KIF15: variants seen among roughly 807,000 people sequenced by gnomAD.
KIF15 encodes kinesin family member 15.
KIF15 carries 140 observed loss-of-function variants against 190.6 expected under a neutral mutation model. The ratio of observed to expected loss-of-function variants is 0.73; its 90% CI spans 0.64 to 0.84. The LOEUF (loss-of-function observed/expected upper bound fraction) is 0.84, where lower values mean the gene tolerates loss of function less well. KIF15 is among the 40% of genes least tolerant of loss of function. KIF15 has a pLI of 0.00. For synonymous variants in KIF15, 528 were observed against 551.3 expected (o/e 0.96, Z 0.59); for missense variants, 1,372 against 1,584.4 (o/e 0.87, Z 2.28).
chr3:44,827,321 T>TC (rs569276105), intron 22 of KIF15, 138 bp from the exon 23 acceptor site: 2 of 606,090 alleles, frequency 3.3e-6, no homozygotes, highest in Admixed American at 3.0e-5. Context: ...AAATTTCTGA[T>TC]CCCCCCGGAA....
intron 4 of KIF15, among the ~76,000 whole-genome samples, chr3:44,779,652 G>A (rs1706073563): frequency 1.3e-5 from 2 of 151,970 alleles, no homozygotes; most frequent in Non-Finnish European, 2.9e-5. Flanking sequence ...GGCCAAGATG[G>A]TGAAACCCCA....
At chr3:44,856,958 A>T (rs537279168), downstream of KIF15, among the ~76,000 whole-genome samples, 1 of 152,284 alleles carries the variant, frequency 6.6e-6, no homozygotes, top group African/African-American at 2.4e-5. Context: ...GTAGTGGAGG[A>T]GGGCAGAGCG....
chr3:44,824,183 T>C (rs533933834), intron 20 of KIF15, among the ~76,000 whole-genome samples: 1 of 152,348 alleles, frequency 6.6e-6, no homozygotes, highest in Admixed American at 6.5e-5. Context: ...GCCCAGTGGC[T>C]AAAGAAAAAT....
At chr3:44,802,684 A>G (rs548577532) in intron 13 of KIF15, 130 bp from the exon 14 acceptor site, 4 of 814,024 alleles carry the variant, frequency 4.9e-6, no homozygotes, top group Admixed American at 3.0e-5. Flanking sequence ...GTTGCTTTCC[A>G]TGGTGGTTGC....
chr3:44,862,047 C>T, intron 6 of KIF15: 2 of 1,358,920 alleles, frequency 1.5e-6, no homozygotes, highest in South Asian at 3.8e-5. Flanking sequence ...GGGGCGTATT[C>T]AACTGTCTGT....
chr3:44,865,752 G>A (rs1699314821), intron 6 of KIF15: 1 of 158,364 alleles, frequency 6.3e-6, no homozygotes, highest in Non-Finnish European at 1.4e-5. Context: ...GAGGAGGCAG[G>A]AGAGTGAGGC....
chr3:44,827,838 A>G (rs1697756915), intron 23 of KIF15, among the ~76,000 whole-genome samples: 1 of 151,996 alleles, frequency 6.6e-6, no homozygotes, highest in Non-Finnish European at 1.5e-5. Flanking sequence ...ATGCACCACT[A>G]TGCCTGGCTA....
chr3:44,784,794 A>AG (rs753409321), intron 5 of KIF15, 51 bp from the exon 6 acceptor site: 3 of 962,732 alleles, frequency 3.1e-6, no homozygotes, highest in Non-Finnish European at 3.2e-6. Context: ...CCATTTTGAA[A>AG]GACTCTTGGA....
rs1699069465 is a variant in KIF15, at chr3:44,851,842, A to T, written c.3862A>T (p.Thr1288Ser). 1.2e-6 allele frequency: 2 copies of T among 1,613,974 alleles called. No individual in the cohort carries two copies. The highest frequency in any genetic ancestry group is 2.2e-5 in the South Asian group (2 of 91,086). The change falls in exon 33 of 35, where the codon ACT (threonine) becomes TCT (serine). Residue 1288 changes from threonine to serine, a missense_variant. Transcript: ENST00000326047. The part of the protein sequence containing the change: ...YNKEMECLRM[T>S]DEVERTQTLE... ...CAAAGAGATGGAATGCCTTAGAATG[A>T]CTGATGAAGTCGAACGAACCCAAAC... is the stretch of plus-strand genomic sequence containing the variant.
At chr3:44,837,616 A>G (rs181000449) in intron 26 of KIF15, among the ~76,000 whole-genome samples, 34 of 150,250 alleles carry the variant, frequency 2.3e-4, no homozygotes, top group South Asian at 1.7e-3. Context: ...ATGTGTGTGT[A>G]TATATATATA....
At chr3:44,833,024 AAAAAG>A (rs1352372733) in intron 26 of KIF15, among the ~76,000 whole-genome samples, 2 of 151,956 alleles carry the variant, frequency 1.3e-5, no homozygotes, top group East Asian at 1.9e-4. Flanking sequence ...AAAAAAAAAA[AAAAAG>A]AAGATTAAAG....
chr3:44,867,146 G>A (rs1254458122), intron 6 of KIF15, among the ~76,000 whole-genome samples: 1 of 152,168 alleles, frequency 6.6e-6, no homozygotes, highest in Non-Finnish European at 1.5e-5. Context: ...ACACAGCTGA[G>A]GAGTGCCAGA....
chr3:44,842,462 G>T (rs889778379), intron 29 of KIF15, among the ~76,000 whole-genome samples: 1 of 152,112 alleles, frequency 6.6e-6, no homozygotes, highest in African/African-American at 2.4e-5. Flanking sequence ...AACACAAATT[G>T]TTCACTTTAA....
intron 1 of KIF15, 22 bp downstream of exon 1, chr3:44,761,906 C>T: frequency 6.2e-7 from 1 of 1,614,174 alleles, no homozygotes; most frequent in Non-Finnish European, 8.5e-7. Flanking sequence ...CCCCCGGCTT[C>T]GTTACCCTAT....
chr3:44,828,398 C>A, intron 24 of KIF15, 98 bp downstream of exon 24: 1 of 759,814 alleles, frequency 1.3e-6, no homozygotes, highest in Non-Finnish European at 2.3e-6. Flanking sequence ...CCAGGGTGAC[C>A]AATAGATAAT....
At chr3:44,796,016 C>T (rs1706960359) in intron 8 of KIF15, among the ~76,000 whole-genome samples, 1 of 152,108 alleles carries the variant, frequency 6.6e-6, no homozygotes, top group Admixed American at 6.5e-5. Flanking sequence ...CGCCCACCAC[C>T]ACACCCAGCT....
At chr3:44,851,355 G>A (rs1230847205) in intron 32 of KIF15, among the ~76,000 whole-genome samples, 2 of 152,208 alleles carry the variant, frequency 1.3e-5, no homozygotes, top group Admixed American at 6.5e-5. Context: ...TGTACATGAA[G>A]TGTATAAATT....
At chr3:44,779,248 G>A (rs1351955937) in intron 4 of KIF15, among the ~76,000 whole-genome samples, 12 of 152,044 alleles carry the variant, frequency 7.9e-5, no homozygotes, top group African/African-American at 2.9e-4. Context: ...GATGCTCTGG[G>A]CTCATCTTGT....
Position 44,775,402 on chromosome 3 carries a change from A to G in KIF15, c.211A>G (p.Thr71Ala), listed in dbSNP as rs780755683. 1 of 1,613,268 alleles carries G rather than the reference A, an allele frequency of 6.2e-7. No homozygotes were observed. The highest frequency in any genetic ancestry group is 8.5e-7 in the Non-Finnish European group (1 of 1,179,710). ...LHSNPEPKTF[T>A]FDHVADVDTT... is the part of the protein sequence containing the mutation. ...CTCCAACCCTGAGCCCAAGACCTTC[A>G]CGTTTGATCATGTTGCAGATGTGGA... Residue 71 changes from threonine to alanine, a missense_variant, in exon 3 of 35, where the codon ACG (threonine) becomes GCG (alanine). By Grantham distance (58) the Thr-to-Ala change is moderately conservative. Coordinates refer to ENST00000326047, the MANE Select transcript of KIF15 (RefSeq NM_020242.3).
Sources: gnomAD v4.1 joint callset for allele counts (sites outside exome capture counted in the v4.1 genomes callset) on GRCh38, gnomAD v4.1.1 for gene constraint, MANE v1.5 for transcripts, NCBI Gene and HGNC (gene_info 2026-07-23, HGNC 2026-07-21) for gene names.